The following SDK1 variants were observed in gnomAD, a reference collection of about 807,000 sequenced individuals.
SDK1 encodes sidekick cell adhesion molecule 1.
SDK1 carries 157 observed loss-of-function variants against 245.5 expected under a neutral mutation model. The observed-to-expected ratio is 0.64, with a 90% CI of 0.56 to 0.73. SDK1 has a LOEUF of 0.73. Among genes scored for constraint, SDK1 ranks in the 30% least tolerant of loss-of-function variants. SDK1 has a pLI of 0.00. For missense variants in SDK1, 3,583 were observed against 3,002.3 expected (o/e 1.19, Z -4.52); for synonymous variants, 1,647 against 1,278.5 (o/e 1.29, Z -6.15).
rs565099954 is a variant in SDK1, at chr7:3,552,969, A to G, written c.299-66111A>G. On this transcript the variant is annotated intron_variant, in intron 1 of 44. Transcript: ENST00000404826. ...TAAGTTGTATATTTCTGTTTTTCTT[A>G]TTACATTTTTTATCATAAAACTAAA... Among the ~76,000 whole-genome samples, 4 of 152,326 alleles carry G rather than the reference A, an allele frequency of 2.6e-5. No individual in the cohort carries two copies. In the South Asian group the frequency reaches 6.2e-4, roughly 24 times the overall value.
intron 5 of SDK1, among the ~76,000 whole-genome samples, chr7:3,849,301 C>A (rs144906033): frequency 1.3e-5 from 2 of 152,178 alleles, no homozygotes; most frequent in Non-Finnish European, 2.9e-5. Context: ...CACCACTCAG[C>A]GTTGCTGCTC....
chr7:3,722,065 A>C (rs1334409734), intron 4 of SDK1, among the ~76,000 whole-genome samples: 1 of 151,686 alleles, frequency 6.6e-6, no homozygotes, highest in Admixed American at 6.6e-5. Context: ...ATTTTTGTAG[A>C]GCCAGGGTTT....
chr7:4,121,465 C>G (rs1784061406), intron 25 of SDK1, among the ~76,000 whole-genome samples: 1 of 152,212 alleles, frequency 6.6e-6, no homozygotes, highest in Non-Finnish European at 1.5e-5. Flanking sequence ...TTTACTCTCT[C>G]TTTTCTCTCC....
chr7:3,505,057 G>T (rs1390448413), intron 1 of SDK1, among the ~76,000 whole-genome samples: 1 of 152,104 alleles, frequency 6.6e-6, no homozygotes, highest in Admixed American at 6.5e-5. Context: ...TATATGGTAA[G>T]CCCCCTTGAC....
chr7:3,410,831 C>T (rs1385937668), intron 1 of SDK1, among the ~76,000 whole-genome samples: 1 of 152,054 alleles, frequency 6.6e-6, no homozygotes. Context: ...AGGTGATCCG[C>T]CTGCCTCGGC....
intron 5 of SDK1, among the ~76,000 whole-genome samples, chr7:3,889,568 A>C (rs141048491): frequency 0.011 from 1,655 of 151,830 alleles, 12 homozygotes; most frequent in Non-Finnish European, 0.017. Flanking sequence ...AGTGCAGAGG[A>C]GCGATCTCAG....
rs116217156 is a variant in SDK1 at position 4,132,980 on chromosome 7, G to A, written c.4228+557G>A. 7.2e-3 allele frequency among the ~76,000 whole-genome samples: 1,100 copies of A among 152,230 alleles called. 14 individuals are homozygous for A. The highest frequency in any genetic ancestry group is 0.025 in the African/African-American group (1,043 of 41,538). On this transcript the variant is annotated intron_variant, in intron 28 of 44. Transcript: ENST00000404826. The stretch of plus-strand genomic sequence containing the variant: ...CTTCCATTCGTTTGCGGCTCATGGC[G>A]ATACCGTTTGTAACCGACCTTCCCT...
At chr7:3,461,012 A>T (rs1459331138) in intron 1 of SDK1, among the ~76,000 whole-genome samples, 1 of 152,206 alleles carries the variant, frequency 6.6e-6, no homozygotes, top group Non-Finnish European at 1.5e-5. Flanking sequence ...CTGACTTGGA[A>T]ATTTGCTAAT....
chr7:3,673,670 C>G (rs776110943), intron 4 of SDK1, among the ~76,000 whole-genome samples: 25 of 152,164 alleles, frequency 1.6e-4, no homozygotes, highest in Admixed American at 1.4e-3. Flanking sequence ...TCGTCTTGCT[C>G]TGCAAAGACA....
intron 1 of SDK1, among the ~76,000 whole-genome samples, chr7:3,454,464 G>A (rs1780615154): frequency 1.3e-5 from 2 of 149,342 alleles, no homozygotes; most frequent in South Asian, 4.3e-4. Flanking sequence ...TTACAGGTGT[G>A]GGTTTGTGTT....
intron 1 of SDK1, among the ~76,000 whole-genome samples, chr7:3,402,857 A>C (rs1189136296): frequency 6.6e-6 from 1 of 152,232 alleles, no homozygotes; most frequent in Non-Finnish European, 1.5e-5. Context: ...GCACTTATAT[A>C]AATGTGATAG....
chr7:3,501,854 T>A (rs937180391), intron 1 of SDK1, among the ~76,000 whole-genome samples: 2 of 152,186 alleles, frequency 1.3e-5, no homozygotes, highest in Non-Finnish European at 2.9e-5. Flanking sequence ...TTCTCTAAGA[T>A]TCTGTATTAT....
At chr7:3,614,950 T>A (rs1466795509) in intron 1 of SDK1, among the ~76,000 whole-genome samples, 1 of 151,516 alleles carries the variant, frequency 6.6e-6, no homozygotes. Context: ...GTATCCAGCC[T>A]TATAATTTGT....
At chr7:3,770,713 C>G (rs1780384335) in intron 4 of SDK1, among the ~76,000 whole-genome samples, 1 of 152,066 alleles carries the variant, frequency 6.6e-6, no homozygotes, top group Non-Finnish European at 1.5e-5. Flanking sequence ...CTTCTGTCTC[C>G]TGATTCTCAG....
chr7:3,586,137 G>T (rs1780680409), intron 1 of SDK1, among the ~76,000 whole-genome samples: 1 of 151,570 alleles, frequency 6.6e-6, no homozygotes, highest in South Asian at 2.1e-4. Flanking sequence ...GAGCGCTGAG[G>T]GCTTCACCAT....
intron 1 of SDK1, among the ~76,000 whole-genome samples, chr7:3,566,111 G>A (rs1250704810): frequency 6.6e-6 from 1 of 151,880 alleles, no homozygotes; most frequent in African/African-American, 2.4e-5. Context: ...TGAGTAAATA[G>A]AGTTTTTATT....
chr7:3,854,699 A>G (rs1222009278), intron 5 of SDK1, among the ~76,000 whole-genome samples: 1 of 152,232 alleles, frequency 6.6e-6, no homozygotes, highest in Non-Finnish European at 1.5e-5. Context: ...TTCTGTAAAC[A>G]TTGAAAGAAT....
At chr7:3,932,209 C>G (rs904722869) in intron 5 of SDK1, among the ~76,000 whole-genome samples, 1 of 152,224 alleles carries the variant, frequency 6.6e-6, no homozygotes, top group Non-Finnish European at 1.5e-5. Flanking sequence ...TAGCTCCCCC[C>G]TCACTAATGC....
At chr7:3,371,054 C>T (rs548827759) in intron 1 of SDK1, among the ~76,000 whole-genome samples, 8 of 152,216 alleles carry the variant, frequency 5.3e-5, no homozygotes, top group South Asian at 2.1e-4. Context: ...CGTGCATCCC[C>T]GTGTTTCGTG....
Sources: gnomAD v4.1 joint callset for allele counts (sites outside exome capture counted in the v4.1 genomes callset) on GRCh38, gnomAD v4.1.1 for gene constraint, MANE v1.5 for transcripts, NCBI Gene and HGNC (gene_info 2026-07-23, HGNC 2026-07-21) for gene names.